The following KALRN variants were observed in gnomAD, a reference collection of about 807,000 sequenced individuals.
The protein encoded by KALRN is kalirin.
In KALRN, 70 loss-of-function variants were observed where a neutral mutation model predicts 353.7. The ratio of observed to expected loss-of-function variants is 0.20; its 90% CI spans 0.16 to 0.24. The LOEUF (loss-of-function observed/expected upper bound fraction) is 0.24. Ranked by LOEUF, KALRN falls within the 10% of genes least tolerant of loss-of-function variation. The probability of loss-of-function intolerance (pLI) is 1.00; values close to 1 mark genes in which losing one functional copy is unlikely to be tolerated. For missense variants in KALRN, 2,791 were observed against 3,756.7 expected (o/e 0.74, Z 6.72); for synonymous variants, 1,391 against 1,434.8 (o/e 0.97, Z 0.69).
rs893058554 is a variant in KALRN, at chr3:124,626,492, G to A, written c.5183-5928G>A. On this transcript the variant is annotated intron_variant, in intron 34 of 59. Transcript: ENST00000682506. ...TTAAAACTATTTCATGATAAAATTC[G>A]CTTCAGAAAATTTTTTTTAATTATA... Among the ~76,000 whole-genome samples, 26 of 151,980 alleles carry A rather than the reference G, an allele frequency of 1.7e-4. 1 individual carries two copies. Among genetic ancestry groups the A allele is most frequent in the South Asian group, 4.2e-4 (2 of 4,806 alleles).
At chr3:124,144,352 C>T (rs2067013788) in intron 1 of KALRN, among the ~76,000 whole-genome samples, 1 of 152,116 alleles carries the variant, frequency 6.6e-6, no homozygotes, top group Non-Finnish European at 1.5e-5. Context: ...TAAATTTTTC[C>T]CTGCTCCTTA....
At chr3:124,535,068 T>C (rs886319208) in intron 33 of KALRN, among the ~76,000 whole-genome samples, 2 of 152,106 alleles carry the variant, frequency 1.3e-5, no homozygotes, top group Admixed American at 6.5e-5. Flanking sequence ...TAAACTTGGC[T>C]CTGTTTCTGC....
chr3:124,627,997 C>T (rs2080155705), intron 34 of KALRN, among the ~76,000 whole-genome samples: 1 of 152,182 alleles, frequency 6.6e-6, no homozygotes, highest in African/African-American at 2.4e-5. Flanking sequence ...CCAAGTTATG[C>T]ACAAAACTCA....
chr3:124,224,508 G>T (rs1225937917), intron 1 of KALRN, among the ~76,000 whole-genome samples: 1 of 152,188 alleles, frequency 6.6e-6, no homozygotes, highest in Non-Finnish European at 1.5e-5. Flanking sequence ...GTGATCTAGA[G>T]TTTATTTTCT....
At chr3:124,345,367 G>A (rs2082160729) in intron 9 of KALRN, among the ~76,000 whole-genome samples, 1 of 152,160 alleles carries the variant, frequency 6.6e-6, no homozygotes, top group Admixed American at 6.5e-5. Flanking sequence ...GTACAGAATT[G>A]TGAGATCTAA....
chr3:124,276,947 ATGTGCGCATGCACACACACATG>A (rs1188525423), intron 5 of KALRN, among the ~76,000 whole-genome samples: 3 of 152,300 alleles, frequency 2.0e-5, no homozygotes, highest in African/African-American at 4.8e-5. Flanking sequence ...GCACGCACAC[ATGTGCGCATGCACACACACATG>A]TGTGCACACG....
chr3:124,060,724 G>A (rs1249514624), intron 1 of KALRN, among the ~76,000 whole-genome samples: 2 of 152,232 alleles, frequency 1.3e-5, no homozygotes, highest in Non-Finnish European at 2.9e-5. Flanking sequence ...GTGGGCAGGA[G>A]GCTTACTGCT....
intron 33 of KALRN, among the ~76,000 whole-genome samples, chr3:124,541,669 G>A (rs2069046808): frequency 6.6e-6 from 1 of 151,294 alleles, no homozygotes; most frequent in African/African-American, 2.4e-5. Context: ...GATCACTTGA[G>A]GTCAGAAGTT....
intron 3 of KALRN, among the ~76,000 whole-genome samples, chr3:124,260,710 G>A (rs1467126264): frequency 1.3e-5 from 2 of 151,980 alleles, no homozygotes; most frequent in African/African-American, 2.4e-5. Context: ...TGGAGGGGGT[G>A]GGGTGTGCAA....
At chr3:124,709,530 G>T (rs2062792950) in intron 57 of KALRN, among the ~76,000 whole-genome samples, 1 of 152,074 alleles carries the variant, frequency 6.6e-6, no homozygotes. Context: ...CACCCACCTT[G>T]GTCTCCCAAG....
chr3:124,154,241 G>A (rs2068633838), intron 1 of KALRN, among the ~76,000 whole-genome samples: 1 of 152,182 alleles, frequency 6.6e-6, no homozygotes, highest in South Asian at 2.1e-4. Flanking sequence ...ATTCAACATA[G>A]TGTTGGAAGT....
At chr3:124,497,238 T>C in intron 33 of KALRN, among the ~76,000 whole-genome samples, 1 of 152,142 alleles carries the variant, frequency 6.6e-6, no homozygotes, top group South Asian at 2.1e-4. Flanking sequence ...CCAAAGAGTA[T>C]GAGATGATCT....
chr3:124,439,321 T>G (rs2093600045), intron 18 of KALRN, among the ~76,000 whole-genome samples: 1 of 152,082 alleles, frequency 6.6e-6, no homozygotes, highest in Non-Finnish European at 1.5e-5. Flanking sequence ...AGATGTTGAC[T>G]GGTTAATTTC....
chr3:124,500,047 C>T (rs2064331210), intron 33 of KALRN, among the ~76,000 whole-genome samples: 1 of 152,188 alleles, frequency 6.6e-6, no homozygotes, highest in Admixed American at 6.5e-5. Flanking sequence ...CAGAAGTATT[C>T]TAACTAATGT....
intron 5 of KALRN, among the ~76,000 whole-genome samples, chr3:124,287,261 C>A (rs1022008842): frequency 6.6e-6 from 1 of 152,112 alleles, no homozygotes; most frequent in African/African-American, 2.4e-5. Context: ...CCTCTCATAC[C>A]TGTTCTCTGC....
chr3:124,073,304 T>A (rs2060109416), intron 1 of KALRN, among the ~76,000 whole-genome samples: 1 of 152,218 alleles, frequency 6.6e-6, no homozygotes, highest in Admixed American at 6.5e-5. Context: ...TGGAGCCTCT[T>A]GGAAGCAGTA....
intron 34 of KALRN, among the ~76,000 whole-genome samples, chr3:124,572,898 A>G (rs2073704191): frequency 1.3e-5 from 2 of 151,972 alleles, no homozygotes; most frequent in African/African-American, 4.8e-5. Flanking sequence ...AAAGCCGGGC[A>G]TGGTGGTGAG....
intron 1 of KALRN, among the ~76,000 whole-genome samples, chr3:124,035,454 G>C (rs1309846305): frequency 6.6e-6 from 1 of 152,082 alleles, no homozygotes; most frequent in African/African-American, 2.4e-5. Flanking sequence ...GCAAAAGTCT[G>C]CATTTTCTTA....
At chr3:124,588,028 G>T (rs1578173811) in intron 34 of KALRN, among the ~76,000 whole-genome samples, 1 of 138,034 alleles carries the variant, frequency 7.2e-6, no homozygotes, top group East Asian at 2.0e-4. Flanking sequence ...ACAGAAAGCA[G>T]GTTTGATGAA....
Sources: gnomAD v4.1 joint callset for allele counts (sites outside exome capture counted in the v4.1 genomes callset) on GRCh38, gnomAD v4.1.1 for gene constraint, MANE v1.5 for transcripts, NCBI Gene and HGNC (gene_info 2026-07-23, HGNC 2026-07-21) for gene names.